The following OR1B1 variants were observed in gnomAD, a reference collection of about 807,000 sequenced individuals.
The protein encoded by OR1B1 is olfactory receptor 1B1.
For synonymous variants in OR1B1, 168 were observed against 156.2 expected (o/e 1.08, Z -0.57); for missense variants, 414 against 402.1 (o/e 1.03, Z -0.25).
upstream of OR1B1, among the ~76,000 whole-genome samples, chr9:122,633,564 T>G (rs150155108): frequency 2.6e-5 from 4 of 152,292 alleles, no homozygotes; most frequent in East Asian, 7.7e-4. Context: ...GATAAGGGGT[T>G]AATATTCAAA....
At chr9:122,637,041 C>T in the OR1B1 span, 1 of 152,088 alleles carries the variant, frequency 6.6e-6, no homozygotes, top group South Asian at 2.1e-4. Flanking sequence ...ACTAAAATTC[C>T]AACACATTAG....
exon 1 of OR1B1, chr9:122,628,765 G>A: frequency 6.2e-7 from 1 of 1,614,196 alleles, no homozygotes; most frequent in Non-Finnish European, 8.5e-7. Context: ...TGGTGCCGTA[G>A]AGGAAACCAA....
the OR1B1 span, among the ~76,000 whole-genome samples, chr9:122,643,040 G>A: frequency 2.0e-5 from 3 of 152,060 alleles, no homozygotes; most frequent in South Asian, 2.1e-4. Flanking sequence ...TGGGGGTGTG[G>A]GGCAAGATGG....
At chr9:122,628,560 A>G (rs762532694), downstream of OR1B1, 8 of 1,505,080 alleles carry the variant, frequency 5.3e-6, no homozygotes, top group Non-Finnish European at 7.3e-6. Context: ...CCTATTCAAT[A>G]TGGCCCACAG....
At chr9:122,636,169 C>T in the OR1B1 span, among the ~76,000 whole-genome samples, 3 of 152,196 alleles carry the variant, frequency 2.0e-5, no homozygotes, top group African/African-American at 4.8e-5. Flanking sequence ...AGTCCCTGCA[C>T]GGTCATTTTA....
At chr9:122,649,375 T>C in the OR1B1 span, among the ~76,000 whole-genome samples, 1 of 152,278 alleles carries the variant, frequency 6.6e-6, no homozygotes, top group African/African-American at 2.4e-5. Context: ...CCAAAAGCAA[T>C]GGCAACAAAA....
the OR1B1 span, among the ~76,000 whole-genome samples, chr9:122,657,583 T>C: frequency 7.2e-5 from 11 of 152,336 alleles, no homozygotes; most frequent in African/African-American, 2.6e-4. Flanking sequence ...ATCAGATTGA[T>C]ATTTGCACTC....
At chr9:122,643,991 G>A in the OR1B1 span, among the ~76,000 whole-genome samples, 2 of 152,110 alleles carry the variant, frequency 1.3e-5, no homozygotes, top group African/African-American at 4.8e-5. Flanking sequence ...CTTGGGCTCT[G>A]AGACATGCTG....
downstream of OR1B1, chr9:122,628,516 A>C (rs983963739): frequency 8.8e-7 from 1 of 1,137,044 alleles, no homozygotes; most frequent in Non-Finnish European, 1.3e-6. Context: ...CCCCAAAACC[A>C]ACTCTGCTCA....
the OR1B1 span, among the ~76,000 whole-genome samples, chr9:122,648,933 A>T: frequency 2.0e-5 from 3 of 152,156 alleles, no homozygotes; most frequent in African/African-American, 4.8e-5. Flanking sequence ...AAAAGAGCCC[A>T]TATAGCCAAG....
At chr9:122,642,636 C>T in the OR1B1 span, among the ~76,000 whole-genome samples, 1 of 152,142 alleles carries the variant, frequency 6.6e-6, no homozygotes, top group South Asian at 2.1e-4. Flanking sequence ...TGTCTCCATG[C>T]CACTGATCCT....
chr9:122,643,270 G>C, the OR1B1 span, among the ~76,000 whole-genome samples: 1 of 152,186 alleles, frequency 6.6e-6, no homozygotes, highest in Non-Finnish European at 1.5e-5. Flanking sequence ...CAGTGGCCAT[G>C]CTGCAAGGAG....
chr9:122,650,898 C>G, the OR1B1 span, among the ~76,000 whole-genome samples: 1 of 151,734 alleles, frequency 6.6e-6, no homozygotes, highest in Non-Finnish European at 1.5e-5. Context: ...GGTGGCGGGC[C>G]CCTGTAGCCC....
chr9:122,646,540 G>T, the OR1B1 span, among the ~76,000 whole-genome samples: 3 of 149,860 alleles, frequency 2.0e-5, no homozygotes, highest in Non-Finnish European at 4.4e-5. Flanking sequence ...AAAAAAAAAA[G>T]AGCAGGAGTA....
the OR1B1 span, among the ~76,000 whole-genome samples, chr9:122,652,804 T>C: frequency 6.6e-6 from 1 of 152,208 alleles, no homozygotes; most frequent in Non-Finnish European, 1.5e-5. Context: ...TTATATTATC[T>C]ATCTTAAATC....
the OR1B1 span, among the ~76,000 whole-genome samples, chr9:122,645,186 A>C: frequency 6.6e-6 from 1 of 152,206 alleles, no homozygotes; most frequent in Non-Finnish European, 1.5e-5. Context: ...AGAACTGATC[A>C]AGCAGAACAA....
At chr9:122,630,007 T>C (rs1197713177), upstream of OR1B1, among the ~76,000 whole-genome samples, 1 of 152,188 alleles carries the variant, frequency 6.6e-6, no homozygotes, top group East Asian at 1.9e-4. Context: ...ACACATACCA[T>C]ACAAAGAAAC....
upstream of OR1B1, among the ~76,000 whole-genome samples, chr9:122,633,465 T>C (rs140883137): frequency 1.0e-3 from 154 of 152,036 alleles, 3 homozygotes; most frequent in African/African-American, 3.6e-3. Flanking sequence ...TACATCAAAC[T>C]AAAAAGCTTT....
At chr9:122,629,108 C>T (rs1354384190) in exon 1 of OR1B1, 1 of 1,614,106 alleles carries the variant, frequency 6.2e-7, no homozygotes, top group Non-Finnish European at 8.5e-7. Context: ...TAAGCAGGCA[C>T]ACCGTTGGTG....
Sources: allele counts gnomAD v4.1 joint callset (sites outside exome capture counted in the v4.1 genomes callset), GRCh38; gene constraint gnomAD v4.1.1; transcripts MANE v1.5; gene names NCBI Gene and HGNC (gene_info 2026-07-23, HGNC 2026-07-21).